Variants in NDST4 observed in about 807,000 individuals in gnomAD.
NDST4 encodes N-deacetylase and N-sulfotransferase 4, also known as N-heparan sulfate sulfotransferase 4.
In NDST4, 63 loss-of-function variants were observed where a neutral mutation model predicts 100.8. That is an observed-to-expected ratio of 0.62 (90% confidence interval 0.51 to 0.77). NDST4 has a LOEUF of 0.77. NDST4 is among the 30% of genes least tolerant of loss of function. The pLI is 0.00. For missense variants in NDST4, 943 were observed against 1,018.4 expected (o/e 0.93, Z 1.01); for synonymous variants, 377 against 361.8 (o/e 1.04, Z -0.48).
chr4:115,053,160 T>G (rs1233803331), intron 2 of NDST4, among the ~76,000 whole-genome samples: 1 of 152,104 alleles, frequency 6.6e-6, no homozygotes, highest in East Asian at 1.9e-4. Flanking sequence ...GAAACATGTT[T>G]CTCTCAGACC....
In NDST4 at chr4:114,829,899, T is replaced by C; in HGVS notation, c.2397-7A>G. 6.3e-7 allele frequency: 1 copy of C among 1,588,226 alleles called. No individual in the cohort carries two copies. The highest frequency in any genetic ancestry group is 8.6e-7 in the Non-Finnish European group (1 of 1,163,584). ...ACCCTTTTGGGGATCAAACCTACAG[T>C]ACATAAAACATAATGATTACAAATT... On this transcript the variant is annotated splice_polypyrimidine_tract_variant and splice_region_variant and intron_variant, in intron 12 of 13. Transcript: ENST00000264363.
chr4:115,093,557 C>T (rs899126109), intron 1 of NDST4, among the ~76,000 whole-genome samples: 3 of 151,974 alleles, frequency 2.0e-5, no homozygotes, highest in African/African-American at 7.2e-5. Flanking sequence ...ATATGATTCT[C>T]AAGACCTGTA....
At chr4:114,838,801 GA>G (rs1420063501) in intron 11 of NDST4, among the ~76,000 whole-genome samples, 1 of 149,460 alleles carries the variant, frequency 6.7e-6, no homozygotes, top group Non-Finnish European at 1.5e-5. Flanking sequence ...ATGTAGCCCA[GA>G]ACTTTTTTTT....
intron 2 of NDST4, among the ~76,000 whole-genome samples, chr4:115,039,773 G>A (rs1728311264): frequency 6.6e-6 from 1 of 152,014 alleles, no homozygotes; most frequent in Non-Finnish European, 1.5e-5. Flanking sequence ...AAAGAGGGGT[G>A]TGTAAATAAT....
intron 6 of NDST4, among the ~76,000 whole-genome samples, chr4:114,890,950 T>A (rs1364991264): frequency 6.6e-6 from 1 of 152,236 alleles, no homozygotes; most frequent in East Asian, 1.9e-4. Flanking sequence ...AATTGCTTCA[T>A]GTTTTCCCCA....
At chr4:115,087,286 T>A (rs1729426245) in intron 1 of NDST4, among the ~76,000 whole-genome samples, 1 of 152,038 alleles carries the variant, frequency 6.6e-6, no homozygotes, top group Non-Finnish European at 1.5e-5. Context: ...AATCATGGAT[T>A]TGCTCCTATT....
intron 7 of NDST4, among the ~76,000 whole-genome samples, chr4:114,866,722 A>G (rs1028418587): frequency 6.6e-6 from 1 of 152,156 alleles, no homozygotes; most frequent in East Asian, 1.9e-4. Context: ...TAATATAATT[A>G]TAAATAAGTT....
chr4:115,110,679 T>C (rs1320581152), intron 1 of NDST4, among the ~76,000 whole-genome samples: 1 of 151,966 alleles, frequency 6.6e-6, no homozygotes, highest in East Asian at 1.9e-4. Flanking sequence ...CTTTTTCTTT[T>C]CCTGAGAATA....
chr4:114,914,846 T>C (rs1304728404), intron 6 of NDST4, among the ~76,000 whole-genome samples: 1 of 152,158 alleles, frequency 6.6e-6, no homozygotes, highest in African/African-American at 2.4e-5. Context: ...TGTTTCCCTT[T>C]AATGTTTCAT....
At chr4:114,986,830 A>ATATATATATATATATATATATTTATT (rs1553959396) in intron 2 of NDST4, among the ~76,000 whole-genome samples, 2 of 91,964 alleles carry the variant, frequency 2.2e-5, no homozygotes, top group African/African-American at 8.6e-5. Flanking sequence ...ATATATATAT[A>ATATATATATATATATATATATTTATT]TATTTTAATA....
chr4:115,018,223 A>C (rs1727732116), intron 2 of NDST4, among the ~76,000 whole-genome samples: 1 of 151,924 alleles, frequency 6.6e-6, no homozygotes, highest in South Asian at 2.1e-4. Context: ...AAACAAATTC[A>C]CTCTGAATGT....
intron 10 of NDST4, among the ~76,000 whole-genome samples, chr4:114,843,543 T>C (rs1040524393): frequency 6.6e-6 from 1 of 152,210 alleles, no homozygotes; most frequent in Admixed American, 6.5e-5. Context: ...TCTTCACCCC[T>C]AATTACTTCT....
At chr4:115,110,847 T>C (rs925523819) in intron 1 of NDST4, among the ~76,000 whole-genome samples, 1 of 151,968 alleles carries the variant, frequency 6.6e-6, no homozygotes, top group Non-Finnish European at 1.5e-5. Context: ...AGAAAAAAAA[T>C]AACACTTCAG....
At chr4:114,910,908 A>T (rs1725048982) in intron 6 of NDST4, among the ~76,000 whole-genome samples, 2 of 152,188 alleles carry the variant, frequency 1.3e-5, no homozygotes, top group Non-Finnish European at 1.5e-5. Flanking sequence ...CATATCCCAT[A>T]GTCAATTGTT....
Position 114,956,743 on chromosome 4 carries a change from C to T in NDST4, c.1221+13687G>A, listed in dbSNP as rs1355794210. Among the ~76,000 whole-genome samples, 3 of 148,404 alleles carry T rather than the reference C, an allele frequency of 2.0e-5. No homozygotes were observed. The Admixed American group carries it at 2.0e-4, about 10-fold the overall frequency. On this transcript the variant is annotated intron_variant, in intron 4 of 13. Transcript: ENST00000264363. ...TATGAGGAGTAACATTGAGGCTGCA[C>T]ACTTCAAGTGAAAGAGTCACTTAAA... is the stretch of plus-strand genomic sequence containing the variant.
intron 10 of NDST4, among the ~76,000 whole-genome samples, chr4:114,844,620 C>T (rs1231433827): frequency 1.3e-5 from 2 of 152,202 alleles, no homozygotes; most frequent in South Asian, 2.1e-4. Flanking sequence ...TACTTCCTCA[C>T]AGTACATTCA....
intron 2 of NDST4, among the ~76,000 whole-genome samples, chr4:115,042,176 G>A (rs1383296149): frequency 1.3e-5 from 2 of 152,090 alleles, no homozygotes; most frequent in African/African-American, 4.8e-5. Context: ...TCTGATGAGT[G>A]TGATGAAATA....
intron 11 of NDST4, among the ~76,000 whole-genome samples, chr4:114,834,927 T>C (rs753925816): frequency 5.3e-5 from 8 of 152,206 alleles, no homozygotes; most frequent in Non-Finnish European, 1.2e-4. Flanking sequence ...CTGATGACAG[T>C]TTGTATTTCT....
chr4:115,107,327 T>C (rs1018087507), intron 1 of NDST4, among the ~76,000 whole-genome samples: 1 of 152,094 alleles, frequency 6.6e-6, no homozygotes, highest in Admixed American at 6.6e-5. Flanking sequence ...ACTGATTAGT[T>C]TTTTTACTTT....
Sources: gnomAD v4.1 joint callset for allele counts (sites outside exome capture counted in the v4.1 genomes callset) on GRCh38, gnomAD v4.1.1 for gene constraint, MANE v1.5 for transcripts, NCBI Gene and HGNC (gene_info 2026-07-23, HGNC 2026-07-21) for gene names.